Variants in ERICH6 observed in about 807,000 individuals in gnomAD.
ERICH6 encodes glutamate rich 6.
ERICH6 carries 71 observed loss-of-function variants against 71.0 expected under a neutral mutation model. That is an observed-to-expected ratio of 1.00 (90% CI 0.83 to 1.22). The LOEUF (loss-of-function observed/expected upper bound fraction) is 1.22. Ranked by LOEUF, ERICH6 falls within the 50% of genes most tolerant of loss-of-function variation. ERICH6 has a pLI of 0.00. For synonymous variants in ERICH6, 262 were observed against 278.4 expected (o/e 0.94, Z 0.59); for missense variants, 808 against 797.2 (o/e 1.01, Z -0.16).
intron 3 of ERICH6, among the ~76,000 whole-genome samples, chr3:150,694,619 T>A (rs1712583534): frequency 1.3e-5 from 2 of 152,194 alleles, no homozygotes; most frequent in East Asian, 3.8e-4. Flanking sequence ...CTTTTCCCCT[T>A]TAAATACTGA....
chr3:150,682,295 G>A lies in ERICH6; in HGVS notation c.805C>T (p.Pro269Ser). 6.2e-7 allele frequency: 1 copy of A among 1,613,336 alleles called. No homozygotes were observed. The highest frequency in any genetic ancestry group is 8.5e-7 in the Non-Finnish European group (1 of 1,179,988). Residue 269 changes from proline to serine, a missense_variant, in exon 7 of 14, where the codon CCC (proline) becomes TCC (serine). By Grantham distance (74) the Pro-to-Ser change is moderately conservative. Coordinates refer to ENST00000295910, the MANE Select transcript of ERICH6 (RefSeq NM_152394.5). Reference protein sequence around the residue: ...NFKDEEEETSPKCEFCGSDLR... With the variant: ...NFKDEEEETSSKCEFCGSDLR... ...TCGCTGCCACAAAATTCACATTTGG[G>A]TGATGTCTCCTCCTCTTCATCCTTC...
chr3:150,678,859 G>C (rs1711770456), intron 9 of ERICH6, among the ~76,000 whole-genome samples: 1 of 151,904 alleles, frequency 6.6e-6, no homozygotes, highest in East Asian at 1.9e-4. Context: ...TGACCAACAT[G>C]GTGAAGCCCC....
rs375815343 is a variant in ERICH6 at position 150,680,678 on chromosome 3, A to G, written c.1040+95T>C. On this transcript the variant is annotated intron_variant, in intron 8 of 13. Coordinates refer to ENST00000295910, the MANE Select transcript of ERICH6 (RefSeq NM_152394.5). ...TTGTGAATCTAGGAAATACATCTTC[A>G]AAGTTATATATCTTGAAAAAATGAG... The G allele has an allele frequency of 6.4e-6, 10 of 1,555,748 alleles. No individual in the cohort carries two copies. In the South Asian group the frequency reaches 9.8e-5, roughly 15 times the overall value.
chr3:150,662,573 A>C (rs1727263270), intron 13 of ERICH6, among the ~76,000 whole-genome samples: 1 of 152,242 alleles, frequency 6.6e-6, no homozygotes, highest in Non-Finnish European at 1.5e-5. Context: ...GAAGGAAAAA[A>C]CTGCAAGTCA....
intron 12 of ERICH6, 107 bp downstream of exon 12, chr3:150,669,188 TA>T: frequency 8.1e-7 from 1 of 1,234,938 alleles, no homozygotes; most frequent in Non-Finnish European, 1.1e-6. Flanking sequence ...TAAAGAACAC[TA>T]ACTTAAATAA....
At position 150,703,815 on chromosome 3, in the gene ERICH6, C is replaced by G. The variant is rs1185824231; in HGVS notation, c.84G>C (p.Glu28Asp). The G allele has an allele frequency of 6.2e-7, 1 of 1,613,440 alleles. No individual in the cohort carries two copies. The highest frequency in any genetic ancestry group is 8.5e-7 in the Non-Finnish European group (1 of 1,179,724). Residue 28 changes from glutamate to aspartate, a missense_variant, in exon 1 of 14, where the codon GAG becomes GAC. Glu to Asp is a conservative substitution (Grantham distance 45). This residue lies in a region of ERICH6 where 53 missense variants were observed against 40.6 expected (regional missense o/e 1.30). Transcript: ENST00000295910. ...CCTCCTCCACCTCTTCCTCCTCCTC[C>G]TCCTCCTCTAACTCCTCCTCTGACT... ...QKESEEELEE[E>D]EEEEEVEEEE...
rs1711867567 is a variant in ERICH6, at chr3:150,680,537, T to C, written c.1042A>G (p.Lys348Glu). 6.2e-7 allele frequency: 1 copy of C among 1,614,206 alleles called. No individual in the cohort carries two copies. Among genetic ancestry groups the C allele is most frequent in the Non-Finnish European group, 8.5e-7 (1 of 1,180,032 alleles). Reference sequence around the variant, plus strand: ...TGTCTGGCCATTCGTTGCTCCTGTTTCCTACAAAATCAGAAAACATCAGGC... The same window carrying C: ...TGTCTGGCCATTCGTTGCTCCTGTTCCCTACAAAATCAGAAAACATCAGGC... Reference protein sequence around the residue: ...LKAKEKALQRKQEQRMARHFA... With the variant: ...LKAKEKALQREQEQRMARHFA... The change falls in exon 9 of 14, where the codon AAA (lysine) becomes GAA (glutamate). Residue 348 changes from lysine (K) to glutamate (E), a missense_variant and splice_region_variant. Lys to Glu is a moderately conservative substitution (Grantham distance 56). Transcript: ENST00000295910.
chr3:150,698,812 A>G lies in ERICH6; in HGVS notation c.532T>C (p.Leu178=). ...VQTEESWLQD[L]SDKVQSRKKA... ...TCACTCGATTGCACTTTATCAGACA[A>G]ATCTTGGAGCCAACTTTCTTCTGTT... The change falls in exon 3 of 14, where the codon TTG becomes CTG. Residue 178 remains leucine, a synonymous_variant. Coordinates refer to ENST00000295910, the MANE Select transcript of ERICH6 (RefSeq NM_152394.5). 6.2e-7 allele frequency: 1 copy of G among 1,613,898 alleles called. No homozygotes were observed. The highest frequency in any genetic ancestry group is 8.5e-7 in the Non-Finnish European group (1 of 1,179,904).
At chr3:150,673,141 C>T (rs1197742644) in intron 11 of ERICH6, among the ~76,000 whole-genome samples, 1 of 151,336 alleles carries the variant, frequency 6.6e-6, no homozygotes, top group Admixed American at 6.6e-5. Flanking sequence ...TTCCTTCCTT[C>T]CTTCCTTCCT....
rs1437182325 is a variant in ERICH6 at position 150,702,123 on chromosome 3, A to T, written c.459T>A (p.Asp153Glu). 7 of 1,558,190 alleles carry T rather than the reference A, an allele frequency of 4.5e-6. No homozygotes were observed. The highest frequency in any genetic ancestry group is 2.7e-5 in the African/African-American group (2 of 73,322). ...FRKDMSEMSIDRNIHRNLSPG... is the reference protein window; with the variant it reads ...FRKDMSEMSIERNIHRNLSPG... ...GAAATTTGAAAACATTTTCTTACCTATCTATACTCATTTCAGACATGTCTT... is the reference window on the plus strand; with the variant it reads ...GAAATTTGAAAACATTTTCTTACCTTTCTATACTCATTTCAGACATGTCTT... Residue 153 changes from aspartate to glutamate, a missense_variant and splice_region_variant, in exon 2 of 14, where the codon GAT becomes GAA. Coordinates refer to ENST00000295910, the MANE Select transcript of ERICH6 (RefSeq NM_152394.5).
In ERICH6 at chr3:150,685,735, A is replaced by G; in HGVS notation, c.783+7T>C. 1 of 1,598,126 alleles carries G rather than the reference A, an allele frequency of 6.3e-7. No homozygotes were observed. Among genetic ancestry groups the G allele is most frequent in the Non-Finnish European group, 8.6e-7 (1 of 1,167,742 alleles). ...GAGTAATAATAAGAAACATGAATTA[A>G]AGTCACCTTGAAGTTAATGCCTAAA... On this transcript the variant is annotated splice_region_variant and intron_variant, in intron 6 of 13. Coordinates refer to ENST00000295910, the MANE Select transcript of ERICH6 (RefSeq NM_152394.5).
intron 12 of ERICH6, 150 bp downstream of exon 12, chr3:150,669,146 C>A: frequency 1.2e-6 from 1 of 815,118 alleles, no homozygotes; most frequent in Non-Finnish European, 1.8e-6. Context: ...ATGGTGTAAA[C>A]CAAAAATGTC....
intron 6 of ERICH6, among the ~76,000 whole-genome samples, chr3:150,684,694 T>C (rs4680090): frequency 0.33 from 50,901 of 152,016 alleles, 8,668 homozygotes; most frequent in East Asian, 0.45. Context: ...GTAAACTTTC[T>C]CTTGCCCTTC....
At chr3:150,674,927 G>C (rs1711596859) in intron 10 of ERICH6, among the ~76,000 whole-genome samples, 1 of 152,010 alleles carries the variant, frequency 6.6e-6, no homozygotes, top group Non-Finnish European at 1.5e-5. Flanking sequence ...GAGGTCAGAA[G>C]TTCGAGACCA....
At chr3:150,663,611 A>G (rs923400967) in intron 13 of ERICH6, among the ~76,000 whole-genome samples, 14 of 152,076 alleles carry the variant, frequency 9.2e-5, no homozygotes, top group Admixed American at 8.5e-4. Context: ...GATAGCTGAG[A>G]CCACAGGCAT....
chr3:150,702,794 A>C (rs949973546), intron 1 of ERICH6, among the ~76,000 whole-genome samples: 3 of 58,530 alleles, frequency 5.1e-5, no homozygotes, highest in Non-Finnish European at 8.1e-5. Flanking sequence ...TGGCTTCAGC[A>C]CAGGATGTTA....
At chr3:150,690,556 CT>C (rs1257324054) in intron 3 of ERICH6, among the ~76,000 whole-genome samples, 2 of 152,062 alleles carry the variant, frequency 1.3e-5, no homozygotes, top group Non-Finnish European at 2.9e-5. Context: ...AATAAAAACA[CT>C]TTAATCAAAT....
intron 13 of ERICH6, among the ~76,000 whole-genome samples, chr3:150,662,910 CTG>C (rs1326144868): frequency 6.6e-6 from 1 of 152,070 alleles, no homozygotes; most frequent in African/African-American, 2.4e-5. Context: ...TGCAAAGACT[CTG>C]TGACAGGAAC....
intron 3 of ERICH6, among the ~76,000 whole-genome samples, chr3:150,697,156 C>A (rs142548527): frequency 1.4e-4 from 21 of 151,128 alleles, no homozygotes; most frequent in Middle Eastern, 6.8e-3. Context: ...CGGTGTGATA[C>A]CATTCATGTA....
Sources: gnomAD v4.1 joint callset for allele counts (sites outside exome capture counted in the v4.1 genomes callset) on GRCh38, gnomAD v4.1.1 for gene constraint, gnomAD v4.1.1 regional missense constraint, MANE v1.5 for transcripts, NCBI Gene and HGNC (gene_info 2026-07-23, HGNC 2026-07-21) for gene names.